The following ARHGAP35 variants were observed in gnomAD, a reference collection of about 807,000 sequenced individuals.
ARHGAP35 encodes rho GTPase-activating protein 35.
A neutral mutation model predicts 111.1 loss-of-function variants in ARHGAP35; 15 were observed. That is an observed-to-expected ratio of 0.13 (90% confidence interval 0.09 to 0.21). The LOEUF is 0.21. ARHGAP35 is among the 10% of genes least tolerant of loss of function. The pLI, the probability that ARHGAP35 is intolerant of heterozygous loss-of-function variation, is 1.00. For synonymous variants in ARHGAP35, 643 were observed against 710.3 expected, an observed-to-expected ratio of 0.91 and a Z score of 1.51; for missense variants, 1,262 against 1,873.0, an observed-to-expected ratio of 0.67 and a Z score of 6.02.
At chr19:46,876,708 G>C (rs759511826) in intron 1 of ARHGAP35, among the ~76,000 whole-genome samples, 2 of 150,374 alleles carry the variant, frequency 1.3e-5, no homozygotes, top group African/African-American at 2.4e-5. Context: ...GGGACTCGCT[G>C]TGTTGCCCAG....
At chr19:46,868,829 T>A (rs973719169) in intron 1 of ARHGAP35, among the ~76,000 whole-genome samples, 6 of 149,134 alleles carry the variant, frequency 4.0e-5, no homozygotes, top group Non-Finnish European at 8.9e-5. Context: ...AAATAAAAAT[T>A]AAAAGAAACA....
rs116791113 is a variant in ARHGAP35, at chr19:46,903,479, G to A, written c.-188-15009G>A. On this transcript the variant is annotated intron_variant, in intron 1 of 6. Transcript: ENST00000672722. ...TCAGTGGGTTTATCTTGGGCATTCT[G>A]TGCATATGTAACTGAGAAAGGTATG... Among the ~76,000 whole-genome samples, 895 of 152,296 alleles carry A rather than the reference G, an allele frequency of 5.9e-3. 8 individuals carry two copies. The highest frequency in any genetic ancestry group is 0.02 in the African/African-American group (847 of 41,546).
intron 3 of ARHGAP35, among the ~76,000 whole-genome samples, chr19:46,944,192 C>A (rs1568474985): frequency 6.6e-6 from 1 of 150,984 alleles, no homozygotes; most frequent in Non-Finnish European, 1.5e-5. Flanking sequence ...CCCAGCTACT[C>A]AGAGGCTGAG....
At chr19:46,890,255 T>C (rs1476236624) in intron 1 of ARHGAP35, among the ~76,000 whole-genome samples, 1 of 152,232 alleles carries the variant, frequency 6.6e-6, no homozygotes, top group Admixed American at 6.5e-5. Flanking sequence ...AGGAGGAGTA[T>C]GTAAGCTTTC....
chr19:46,904,859 C>G (rs2056097661), intron 1 of ARHGAP35, among the ~76,000 whole-genome samples: 2 of 152,158 alleles, frequency 1.3e-5, no homozygotes, highest in Non-Finnish European at 2.9e-5. Context: ...CGTGTCAGGA[C>G]CCTCCACAGA....
At chr19:46,889,322 G>T (rs2056012175) in intron 1 of ARHGAP35, among the ~76,000 whole-genome samples, 1 of 151,970 alleles carries the variant, frequency 6.6e-6, no homozygotes, top group Non-Finnish European at 1.5e-5. Context: ...AAGTTGGTGT[G>T]GTGGCGTGTG....
chr19:46,909,149 A>T lies in ARHGAP35; in HGVS notation c.-188-9339A>T, dbSNP rs545318617. ...ACCTCATCTCTACAAAAAAAATTTT[A>T]AAAATTAGCCGGCCGTGGTGGCATG... On this transcript the variant is annotated intron_variant, in intron 1 of 6. Coordinates refer to ENST00000672722, the MANE Select transcript of ARHGAP35 (RefSeq NM_004491.5). Among the ~76,000 whole-genome samples the T allele has an allele frequency of 5.9e-5, 9 of 152,236 alleles. No individual in the cohort carries two copies. The South Asian group carries it at 1.9e-3, about 32-fold the overall frequency.
chr19:46,933,159 T>C (rs1485932412), intron 2 of ARHGAP35, among the ~76,000 whole-genome samples: 5 of 148,642 alleles, frequency 3.4e-5, no homozygotes, highest in South Asian at 4.3e-4. Context: ...TTTTTTTTTT[T>C]CCGAGACAGG....
chr19:46,871,508 A>G (rs1168973393), intron 1 of ARHGAP35, among the ~76,000 whole-genome samples: 1 of 151,694 alleles, frequency 6.6e-6, no homozygotes, highest in Non-Finnish European at 1.5e-5. Context: ...ACGCCTGGCT[A>G]ATTTTTGTAC....
intron 3 of ARHGAP35, among the ~76,000 whole-genome samples, chr19:46,963,393 G>A (rs1401812624): frequency 6.6e-6 from 1 of 152,148 alleles, no homozygotes; most frequent in South Asian, 2.1e-4. Context: ...TTCCCATGTG[G>A]GACCTCAGTT....
intron 3 of ARHGAP35, among the ~76,000 whole-genome samples, chr19:46,981,552 G>A (rs1271525903): frequency 6.6e-6 from 1 of 152,232 alleles, no homozygotes; most frequent in Admixed American, 6.5e-5. Context: ...CCTGCCTGGG[G>A]TCCAGGATCA....
At chr19:46,985,573 A>G (rs60339128) in intron 3 of ARHGAP35, among the ~76,000 whole-genome samples, 32,949 of 152,136 alleles carry the variant, frequency 0.22, 3,928 homozygotes, top group Non-Finnish European at 0.28. Flanking sequence ...TACCTACCCA[A>G]TAGCTCTTCC....
chr19:46,941,634 G>C lies in ARHGAP35; in HGVS notation c.3826+4226G>C, dbSNP rs67197807. Among the ~76,000 whole-genome samples, 3 of 149,682 alleles carry C rather than the reference G, an allele frequency of 2.0e-5. No homozygotes were observed. The East Asian group carries it at 6.2e-4, about 31-fold the overall frequency. ...TCTGTTGCCCAGTCTGGAGTGCAGT[G>C]GTGCAGTCATAGCTCACTTGCAGCC... On this transcript the variant is annotated intron_variant, in intron 3 of 6. Transcript: ENST00000672722.
At chr19:46,933,684 G>A (rs981053489) in intron 2 of ARHGAP35, among the ~76,000 whole-genome samples, 2 of 152,104 alleles carry the variant, frequency 1.3e-5, no homozygotes, top group African/African-American at 2.4e-5. Context: ...GGCTGGGTGC[G>A]GTGGCTCATG....
At chr19:46,979,500 A>C (rs1245468943) in intron 3 of ARHGAP35, among the ~76,000 whole-genome samples, 1 of 152,210 alleles carries the variant, frequency 6.6e-6, no homozygotes, top group African/African-American at 2.4e-5. Flanking sequence ...TTTTCTTGAA[A>C]GTCAGGGAAA....
At position 46,922,482 on chromosome 19, in the gene ARHGAP35, CTT is replaced by C; in HGVS notation, c.3681+127_3681+128del. The C allele has an allele frequency of 1.1e-6, 1 of 942,712 alleles. No homozygotes were observed. The highest frequency in any genetic ancestry group is 1.5e-6 in the Non-Finnish European group (1 of 663,530). The allele number at this position is 942,712 out of a possible 1,614,324, so 58.4% of individuals were successfully genotyped here. A position where few individuals can be genotyped will look rare whatever the true frequency, so the allele number is the denominator to read the frequency against. ...AAAACTGCCCTGTGTGTGTATTTGA[CTT>C]AACATAAAAAAGCAGTGCCTCAATT... On this transcript the variant is annotated intron_variant, in intron 2 of 6. Transcript: ENST00000672722. The surrounding 1 kb of genome is among the most constrained non-coding windows in gnomAD (Gnocchi z 4.0).
intron 3 of ARHGAP35, chr19:46,947,802 G>C (rs1240482195): frequency 2.0e-5 from 3 of 152,246 alleles, no homozygotes; most frequent in African/African-American, 7.2e-5. Flanking sequence ...TCAAGCTGGG[G>C]TTCCCATGAC....
chr19:46,965,705 C>T (rs1368121344), intron 3 of ARHGAP35, among the ~76,000 whole-genome samples: 1 of 152,038 alleles, frequency 6.6e-6, no homozygotes, highest in African/African-American at 2.4e-5. Context: ...GGCTGATCTC[C>T]AACTCCTGCG....
chr19:47,000,192 A>G lies in ARHGAP35; in HGVS notation c.4143-139A>G. 1 of 884,948 alleles carries G rather than the reference A, an allele frequency of 1.1e-6. No homozygotes were observed. The highest frequency in any genetic ancestry group is 1.6e-5 in the South Asian group (1 of 60,726). The allele number at this position is 884,948 out of a possible 1,614,324, so 54.8% of individuals were successfully genotyped here. A position where few individuals can be genotyped will look rare whatever the true frequency, so the allele number is the denominator to read the frequency against. The stretch of plus-strand genomic sequence containing the variant: ...CGCAGCCTCCCAGGCAGGGCAGGGT[A>G]CAGAGAGCTGCGCATGGCCTTTTCT... On this transcript the variant is annotated intron_variant, in intron 6 of 6. Transcript: ENST00000672722. This position sits in a 1 kb window ranked among gnomAD's most constrained non-coding sequence, Gnocchi z 6.9.
Sources: allele counts gnomAD v4.1 joint callset (sites outside exome capture counted in the v4.1 genomes callset), GRCh38; gene constraint gnomAD v4.1.1; non-coding constraint Gnocchi (gnomAD v3.1); transcripts MANE v1.5; gene names NCBI Gene and HGNC (gene_info 2026-07-23, HGNC 2026-07-21).